Variants in PARP9 observed in about 807,000 individuals in gnomAD.
PARP9 encodes protein mono-ADP-ribosyltransferase PARP9.
A neutral mutation model predicts 68.8 loss-of-function variants in PARP9; 48 were observed. That is an observed-to-expected ratio of 0.70 (90% confidence interval 0.55 to 0.89). PARP9 has a LOEUF of 0.89. Ranked by LOEUF, PARP9 falls within the 40% of genes least tolerant of loss-of-function variation. PARP9 has a pLI of 0.00. For synonymous variants in PARP9, 309 were observed against 333.8 expected (o/e 0.93, Z 0.81); for missense variants, 806 against 969.3 (o/e 0.83, Z 2.24).
At chr3:122,556,452 T>C (rs1224397128) in intron 3 of PARP9, among the ~76,000 whole-genome samples, 1 of 152,096 alleles carries the variant, frequency 6.6e-6, no homozygotes, top group Non-Finnish European at 1.5e-5. Flanking sequence ...TTTTTAAAAA[T>C]ATATATAAAA....
chr3:122,533,383 T>C (rs2107557937), intron 10 of PARP9: 1 of 152,240 alleles, frequency 6.6e-6, no homozygotes, highest in Middle Eastern at 3.4e-3. Flanking sequence ...TGGGTAAAGA[T>C]GTCAAAAAGA....
Position 122,539,567 on chromosome 3 carries a change from C to CTTTTT in PARP9, c.1765+900_1765+904dup. 3.5e-5 allele frequency among the ~76,000 whole-genome samples: 3 copies of CTTTTT among 86,952 alleles called. No individual in the cohort carries two copies. In the South Asian group the frequency reaches 1.1e-3, roughly 33 times the overall value. The allele number at this position is 86,952 out of a possible 152,430, so 57.0% of individuals were successfully genotyped here. Reference sequence around the variant, plus strand: ...TCTTTCTTTCTTTCTTTCTTTCTTTCTTTTTTTTTTGAGACAGAGTTTCGC... The same window carrying CTTTTT: ...TCTTTCTTTCTTTCTTTCTTTCTTTCTTTTTTTTTTTTTTTGAGACAGAGTTTCGC... On this transcript the variant is annotated intron_variant, in intron 8 of 10. Transcript: ENST00000682323.
At chr3:122,550,208 T>C (rs1479624792) in intron 6 of PARP9, among the ~76,000 whole-genome samples, 1 of 152,218 alleles carries the variant, frequency 6.6e-6, no homozygotes, top group African/African-American at 2.4e-5. Context: ...GCCTCCCTAG[T>C]AGCTGGGATT....
chr3:122,548,635 A>G (rs2078952314), intron 6 of PARP9, among the ~76,000 whole-genome samples: 1 of 152,206 alleles, frequency 6.6e-6, no homozygotes, highest in African/African-American at 2.4e-5. Flanking sequence ...TGAAAATATC[A>G]CAGTTTATTC....
intron 10 of PARP9, chr3:122,531,785 T>A (rs954051354): frequency 6.6e-6 from 1 of 152,030 alleles, no homozygotes; most frequent in African/African-American, 2.4e-5. Context: ...GTTGTTTTTT[T>A]TTATTATTTT....
chr3:122,554,885 A>ATTT (rs111889676), intron 4 of PARP9, among the ~76,000 whole-genome samples: 1 of 143,676 alleles, frequency 7.0e-6, no homozygotes. Flanking sequence ...TGCCCTGATA[A>ATTT]TTTTTTTTTT....
At chr3:122,558,875 T>G (rs1166363322) in intron 2 of PARP9, among the ~76,000 whole-genome samples, 1 of 152,122 alleles carries the variant, frequency 6.6e-6, no homozygotes, top group African/African-American at 2.4e-5. Context: ...CATGCCCAGC[T>G]AATTGTTTTT....
intron 5 of PARP9, 61 bp downstream of exon 5, chr3:122,552,357 T>A (rs1559858830): frequency 1.4e-5 from 16 of 1,141,608 alleles, no homozygotes; most frequent in South Asian, 3.2e-5. Flanking sequence ...GAAATTTGTT[T>A]AAAAAAAAAA....
intron 3 of PARP9, 57 bp downstream of exon 3, chr3:122,558,377 G>A (rs1274885759): frequency 1.9e-6 from 3 of 1,614,014 alleles, no homozygotes; most frequent in Non-Finnish European, 2.5e-6. Context: ...TTTCTCCACT[G>A]AGGAAAGATC....
At chr3:122,550,310 C>T (rs2079097542) in intron 6 of PARP9, among the ~76,000 whole-genome samples, 1 of 152,134 alleles carries the variant, frequency 6.6e-6, no homozygotes, top group African/African-American at 2.4e-5. Context: ...AACTCCCGAC[C>T]TCAGGTGATC....
At chr3:122,557,104 AG>A (rs1389419407) in intron 3 of PARP9, among the ~76,000 whole-genome samples, 1 of 152,204 alleles carries the variant, frequency 6.6e-6, no homozygotes, top group Non-Finnish European at 1.5e-5. Flanking sequence ...GAAATAAGGT[AG>A]TATACCTGTT....
chr3:122,528,224 G>C lies in PARP9; in HGVS notation c.*140C>G, dbSNP rs1414864315. The C allele has an allele frequency of 9.0e-7, 1 of 1,110,242 alleles. No homozygotes were observed. The highest frequency in any genetic ancestry group is 1.3e-6 in the Non-Finnish European group (1 of 775,966). 68.8% of individuals were successfully genotyped at this position (1,110,242 alleles called of 1,614,324 possible). On this transcript the variant is annotated 3_prime_UTR_variant, in exon 11 of 11. Coordinates refer to ENST00000682323, the MANE Select transcript of PARP9 (RefSeq NM_001146105.2). ...AAAGGCACTAAGATGCTAGTATGTG[G>C]CTAGTCCTTTCAATAACCCAGTCAG...
intron 10 of PARP9, chr3:122,535,040 C>A (rs568702896): frequency 1.1e-4 from 104 of 981,048 alleles, no homozygotes; most frequent in Non-Finnish European, 1.2e-4. Flanking sequence ...CAGAGTCTGT[C>A]ACAGGACTGA....
At chr3:122,529,963 G>A (rs1343974379) in intron 10 of PARP9, among the ~76,000 whole-genome samples, 1 of 151,878 alleles carries the variant, frequency 6.6e-6, no homozygotes, top group African/African-American at 2.4e-5. Context: ...GGCCAAAGTG[G>A]GTGGATCGCT....
intron 10 of PARP9, chr3:122,535,900 T>C (rs1486519850): frequency 7.9e-7 from 1 of 1,265,756 alleles, no homozygotes; most frequent in Non-Finnish European, 1.0e-6. Flanking sequence ...CAGAAACACA[T>C]AAAGGAGAAA....
chr3:122,543,468 G>T (rs566292566), intron 7 of PARP9, among the ~76,000 whole-genome samples: 1 of 150,626 alleles, frequency 6.6e-6, no homozygotes, highest in South Asian at 2.1e-4. Flanking sequence ...GCAGAGATGG[G>T]ATTTCTCCAT....
chr3:122,552,545 G>T lies in PARP9; in HGVS notation c.980C>A (p.Ser327Ter). ...ILQQAGVEMKSEFLATKAKQF... is the reference protein window; with the variant it reads ...ILQQAGVEMK ...TTTAGCCTTTGTGGCAAGAAATTCC[G>T]ATTTCATTTCAACTCCTGCTTGTTG... The change falls in exon 5 of 11, where the codon TCG becomes TAG. Residue 327 changes from serine (S) to a stop codon, truncating the protein, a stop_gained. Transcript: ENST00000682323. LOFTEE classifies it high-confidence loss of function. 1 of 1,613,990 alleles carries T rather than the reference G, an allele frequency of 6.2e-7. No homozygotes were observed. The highest frequency in any genetic ancestry group is 8.5e-7 in the Non-Finnish European group (1 of 1,179,956).
intron 10 of PARP9, chr3:122,535,722 T>C (rs1472180797): frequency 2.0e-6 from 2 of 995,862 alleles, no homozygotes; most frequent in East Asian, 2.2e-4. Context: ...TAGCAGGCTA[T>C]AGGAAACAAA....
chr3:122,563,729 G>A (rs1187070917), intron 1 of PARP9, among the ~76,000 whole-genome samples: 2 of 151,856 alleles, frequency 1.3e-5, no homozygotes, highest in South Asian at 2.1e-4. Flanking sequence ...CCATCTCGCC[G>A]CCACACTCAA....
Sources: gnomAD v4.1 joint callset for allele counts (sites outside exome capture counted in the v4.1 genomes callset) on GRCh38, gnomAD v4.1.1 for gene constraint, MANE v1.5 for transcripts, NCBI Gene and HGNC (gene_info 2026-07-23, HGNC 2026-07-21) for gene names.